Variants in APBA1 observed in about 807,000 individuals in gnomAD.
APBA1 encodes the protein amyloid beta precursor protein binding family A member 1.
In APBA1, 55 loss-of-function variants were observed where a neutral mutation model predicts 86.6. That is an observed-to-expected ratio of 0.64 (90% CI 0.51 to 0.80). APBA1 has a LOEUF of 0.80. Ranked by LOEUF, APBA1 falls within the 30% of genes least tolerant of loss-of-function variation. The pLI is 0.00. For missense variants in APBA1, 1,090 were observed against 1,183.0 expected, an observed-to-expected ratio of 0.92 and a Z score of 1.15; for synonymous variants, 511 against 493.9, an observed-to-expected ratio of 1.03 and a Z score of -0.46.
At chr9:69,486,844 A>G (rs548864329) in intron 2 of APBA1, among the ~76,000 whole-genome samples, 14 of 150,846 alleles carry the variant, frequency 9.3e-5, no homozygotes, top group Admixed American at 8.6e-4. Context: ...CTGCCCCGGG[A>G]GTAGATATTT....
intron 9 of APBA1, among the ~76,000 whole-genome samples, chr9:69,450,061 T>G (rs968182861): frequency 3.5e-5 from 5 of 144,662 alleles, no homozygotes; most frequent in East Asian, 3.9e-4. Flanking sequence ...CACCAGTTTT[T>G]TTTTTTTTTT....
intron 5 of APBA1, chr9:69,464,478 T>C (rs2133824406): frequency 6.6e-6 from 1 of 152,348 alleles, no homozygotes; most frequent in East Asian, 1.9e-4. Context: ...CCTATTCTGC[T>C]CTAGGCAGGT....
chr9:69,469,446 TAA>T (rs766039391), intron 4 of APBA1, among the ~76,000 whole-genome samples: 148 of 152,338 alleles, frequency 9.7e-4, no homozygotes, highest in African/African-American at 3.3e-3. Context: ...ACAGAGAAAT[TAA>T]AAGTGTTTTA....
intron 1 of APBA1, among the ~76,000 whole-genome samples, chr9:69,646,585 GCCTT>G (rs1341623186): frequency 6.6e-6 from 1 of 151,664 alleles, no homozygotes; most frequent in Admixed American, 6.6e-5. Context: ...CTGGCTTCAA[GCCTT>G]CCTTGCTCTT....
chr9:69,553,381 CT>C (rs932684021), intron 1 of APBA1, among the ~76,000 whole-genome samples: 36 of 152,158 alleles, frequency 2.4e-4, no homozygotes, highest in African/African-American at 8.0e-4. Context: ...CCCCTTACCC[CT>C]ATAGGTAACT....
chr9:69,653,873 C>T (rs765028156), intron 1 of APBA1, among the ~76,000 whole-genome samples: 5 of 151,496 alleles, frequency 3.3e-5, no homozygotes, highest in Non-Finnish European at 2.9e-5. Flanking sequence ...TTTGGGAGGC[C>T]GAGGCAGGTG....
At chr9:69,452,959 C>G (rs1835036659) in intron 8 of APBA1, among the ~76,000 whole-genome samples, 1 of 152,192 alleles carries the variant, frequency 6.6e-6, no homozygotes, top group Non-Finnish European at 1.5e-5. Context: ...TTATTTGGCC[C>G]TCAATTTGAA....
intron 1 of APBA1, among the ~76,000 whole-genome samples, chr9:69,645,161 G>C (rs1194614124): frequency 6.6e-6 from 1 of 152,136 alleles, no homozygotes; most frequent in Non-Finnish European, 1.5e-5. Flanking sequence ...GAGATACTGA[G>C]AAATTAGTCG....
intron 1 of APBA1, among the ~76,000 whole-genome samples, chr9:69,632,927 G>A (rs1476647227): frequency 2.6e-5 from 4 of 152,022 alleles, no homozygotes; most frequent in African/African-American, 9.7e-5. Flanking sequence ...CAGGAGATAG[G>A]AGAGAGGCAG....
At chr9:69,579,488 G>T (rs2133955242) in intron 1 of APBA1, among the ~76,000 whole-genome samples, 1 of 152,266 alleles carries the variant, frequency 6.6e-6, no homozygotes, top group South Asian at 2.1e-4. Flanking sequence ...GAAGGCAGGA[G>T]CTACATTTTA....
chr9:69,477,392 C>T (rs1474926029), intron 2 of APBA1, among the ~76,000 whole-genome samples: 9 of 148,806 alleles, frequency 6.0e-5, no homozygotes, highest in South Asian at 2.2e-4. Context: ...CACTCCCACC[C>T]GAATATTGCG....
intron 1 of APBA1, among the ~76,000 whole-genome samples, chr9:69,587,110 T>C (rs1445740745): frequency 6.6e-6 from 1 of 152,220 alleles, no homozygotes; most frequent in East Asian, 1.9e-4. Context: ...CATCCATTCA[T>C]CCTACTTCCC....
chr9:69,585,661 T>A (rs1297955066), intron 1 of APBA1, among the ~76,000 whole-genome samples: 3 of 152,170 alleles, frequency 2.0e-5, no homozygotes, highest in African/African-American at 7.2e-5. Context: ...GGGCCCAGTG[T>A]CCAGATCCCC....
At chr9:69,662,994 T>C (rs1823780989) in intron 1 of APBA1, among the ~76,000 whole-genome samples, 1 of 152,236 alleles carries the variant, frequency 6.6e-6, no homozygotes, top group African/African-American at 2.4e-5. Flanking sequence ...AATATCCAAA[T>C]ATGCTAACAA....
chr9:69,486,762 G>A (rs34701104), intron 2 of APBA1, among the ~76,000 whole-genome samples: 9,955 of 152,076 alleles, frequency 0.065, 424 homozygotes, highest in East Asian at 0.11. Context: ...GAGCCGGGCT[G>A]GGACTAGCAG....
At chr9:69,573,910 A>G (rs1331083971) in intron 1 of APBA1, among the ~76,000 whole-genome samples, 1 of 152,176 alleles carries the variant, frequency 6.6e-6, no homozygotes, top group Non-Finnish European at 1.5e-5. Flanking sequence ...CTTTGATATC[A>G]TTACATTCCT....
intron 5 of APBA1, chr9:69,465,364 A>G (rs1835260350): frequency 1.3e-5 from 2 of 152,252 alleles, no homozygotes; most frequent in Non-Finnish European, 2.9e-5. Context: ...TCTGGTACCC[A>G]TGGGGCACGT....
intron 2 of APBA1, 128 bp from the exon 3 acceptor site, chr9:69,476,271 A>C (rs2133839493): frequency 3.2e-6 from 2 of 624,168 alleles, no homozygotes; most frequent in East Asian, 5.5e-5. Flanking sequence ...TGGGGAGAAA[A>C]CCTCTTAAAA....
chr9:69,620,408 T>C (rs1189169813), intron 1 of APBA1, among the ~76,000 whole-genome samples: 2 of 152,128 alleles, frequency 1.3e-5, no homozygotes, highest in Non-Finnish European at 1.5e-5. Context: ...CGGCCAGGCA[T>C]GGTGGCTCAC....
Sources: allele counts gnomAD v4.1 joint callset (sites outside exome capture counted in the v4.1 genomes callset), GRCh38; gene constraint gnomAD v4.1.1; transcripts MANE v1.5; gene names NCBI Gene and HGNC (gene_info 2026-07-23, HGNC 2026-07-21).